Variants in ADAMTS6 observed in about 807,000 individuals in gnomAD.
The protein encoded by ADAMTS6 is A disintegrin and metalloproteinase with thrombospondin motifs 6.
In ADAMTS6, 23 loss-of-function variants were observed where a neutral mutation model predicts 144.3. That is an observed-to-expected ratio of 0.16 (90% CI 0.11 to 0.23). The LOEUF (loss-of-function observed/expected upper bound fraction) is 0.23, where lower values mean the gene tolerates loss of function less well. ADAMTS6 is among the 10% of genes least tolerant of loss of function. The probability of loss-of-function intolerance (pLI) is 1.00; values close to 1 mark genes in which losing one functional copy is unlikely to be tolerated. For synonymous variants in ADAMTS6, 444 were observed against 457.5 expected, an observed-to-expected ratio of 0.97 and a Z score of 0.38; for missense variants, 999 against 1,379.6, an observed-to-expected ratio of 0.72 and a Z score of 4.37.
At chr5:65,381,182 C>G (rs1163501181) in intron 7 of ADAMTS6, among the ~76,000 whole-genome samples, 1 of 152,170 alleles carries the variant, frequency 6.6e-6, no homozygotes, top group Non-Finnish European at 1.5e-5. Flanking sequence ...GTCTCTCTCT[C>G]TTGTTCTCTC....
intron 7 of ADAMTS6, among the ~76,000 whole-genome samples, chr5:65,413,506 A>G (rs1755241564): frequency 6.6e-6 from 1 of 152,150 alleles, no homozygotes; most frequent in East Asian, 1.9e-4. Flanking sequence ...GACTTAAAAT[A>G]TAAGCAATAT....
intron 7 of ADAMTS6, among the ~76,000 whole-genome samples, chr5:65,363,163 A>G (rs1287313593): frequency 3.9e-5 from 6 of 152,180 alleles, no homozygotes; most frequent in Admixed American, 2.0e-4. Context: ...TAATCCATGG[A>G]TAAGATATAA....
At position 65,214,397 on chromosome 5, in the gene ADAMTS6, A is replaced by G. The variant is rs185067393; in HGVS notation, c.2575+397T>C. On this transcript the variant is annotated intron_variant, in intron 20 of 24. Transcript: ENST00000381055. This position sits in a 1 kb window ranked among gnomAD's most constrained non-coding sequence, Gnocchi z 4.6. ...AGGCACACAAACACACACAACAAGCACACAGCCGTACATTCTCATCTCCCA... is the reference window on the plus strand; with the variant it reads ...AGGCACACAAACACACACAACAAGCGCACAGCCGTACATTCTCATCTCCCA... The G allele has an allele frequency of 3.8e-4, 132 of 344,684 alleles. No individual in the cohort carries two copies. The highest frequency in any genetic ancestry group is 2.6e-3 in the African/African-American group (123 of 46,800). The allele number at this position is 344,684 out of a possible 1,614,324, so 21.4% of individuals were successfully genotyped here. A position where few individuals can be genotyped will look rare whatever the true frequency, so the allele number is the denominator to read the frequency against.
chr5:65,192,418 CTT>C (rs1451014075), intron 21 of ADAMTS6, among the ~76,000 whole-genome samples: 1 of 151,974 alleles, frequency 6.6e-6, no homozygotes, highest in Admixed American at 6.6e-5. Flanking sequence ...GAATAGTTCT[CTT>C]GTTTTCACCT....
At chr5:65,440,698 A>G (rs1757799160) in intron 7 of ADAMTS6, among the ~76,000 whole-genome samples, 1 of 152,312 alleles carries the variant, frequency 6.6e-6, no homozygotes, top group Admixed American at 6.5e-5. Context: ...AATGCCTAGC[A>G]CTTACACAAC....
intron 11 of ADAMTS6, among the ~76,000 whole-genome samples, chr5:65,278,943 C>A (rs1347464180): frequency 7.6e-6 from 1 of 132,060 alleles, no homozygotes; most frequent in Non-Finnish European, 1.6e-5. Flanking sequence ...TCTTTACAGT[C>A]TTTTTTTTTT....
chr5:65,422,795 T>A (rs1756179168), intron 7 of ADAMTS6, among the ~76,000 whole-genome samples: 1 of 152,156 alleles, frequency 6.6e-6, no homozygotes, highest in Non-Finnish European at 1.5e-5. Context: ...CACTACTGGG[T>A]ATCTACCCAA....
chr5:65,417,541 A>G (rs1298363629), intron 7 of ADAMTS6, among the ~76,000 whole-genome samples: 1 of 152,222 alleles, frequency 6.6e-6, no homozygotes, highest in Non-Finnish European at 1.5e-5. Context: ...TTCAGGATAC[A>G]AAATCAATAT....
chr5:65,443,493 ACGC>A (rs1758026340), intron 7 of ADAMTS6, among the ~76,000 whole-genome samples: 1 of 151,730 alleles, frequency 6.6e-6, no homozygotes, highest in South Asian at 2.1e-4. Flanking sequence ...ATTGTGGTGC[ACGC>A]CTGTAGTACC....
intron 3 of ADAMTS6, 43 bp from the exon 4 acceptor site, chr5:65,460,381 T>G (rs1286681044): frequency 1.3e-6 from 2 of 1,519,012 alleles, no homozygotes; most frequent in Non-Finnish European, 1.8e-6. Context: ...GAGAATCATT[T>G]TAAATATTAG....
chr5:65,429,025 C>A (rs993549653), intron 7 of ADAMTS6, among the ~76,000 whole-genome samples: 1 of 152,154 alleles, frequency 6.6e-6, no homozygotes, highest in Non-Finnish European at 1.5e-5. Flanking sequence ...GAGAAAACTG[C>A]AGAAACAGGA....
At chr5:65,281,601 T>C (rs1762993965) in intron 11 of ADAMTS6, among the ~76,000 whole-genome samples, 1 of 152,220 alleles carries the variant, frequency 6.6e-6, no homozygotes, top group African/African-American at 2.4e-5. Context: ...TTAAAAATAC[T>C]CCTACTTATT....
At chr5:65,160,208 A>G (rs952793643) in intron 24 of ADAMTS6, among the ~76,000 whole-genome samples, 23 of 151,996 alleles carry the variant, frequency 1.5e-4, no homozygotes, top group African/African-American at 5.1e-4. Context: ...GTAGCCTCGT[A>G]CTATGAGTCA....
chr5:65,193,797 G>A (rs996775871), intron 21 of ADAMTS6, among the ~76,000 whole-genome samples: 1 of 151,926 alleles, frequency 6.6e-6, no homozygotes, highest in Non-Finnish European at 1.5e-5. Context: ...TTATTGCAGG[G>A]GATCAAAATA....
At chr5:65,407,938 A>G (rs1754700372) in intron 7 of ADAMTS6, among the ~76,000 whole-genome samples, 1 of 152,194 alleles carries the variant, frequency 6.6e-6, no homozygotes, top group Admixed American at 6.5e-5. Context: ...TTTACAGACA[A>G]GCAAATGCTG....
At chr5:65,366,872 G>A (rs1750352909) in intron 7 of ADAMTS6, among the ~76,000 whole-genome samples, 1 of 152,124 alleles carries the variant, frequency 6.6e-6, no homozygotes, top group South Asian at 2.1e-4. Context: ...TTCAGGGAAA[G>A]GCCAAAAGAA....
Position 65,284,271 on chromosome 5 carries a change from C to T in ADAMTS6, c.1512+7058G>A, listed in dbSNP as rs549135631. Reference sequence around the variant, plus strand: ...GGGAAAGGATACCTTGATCAGAGAACTCAACTATCTTGTCTCTAGCAGTTA... The same window carrying T: ...GGGAAAGGATACCTTGATCAGAGAATTCAACTATCTTGTCTCTAGCAGTTA... On this transcript the variant is annotated intron_variant, in intron 11 of 24. Transcript: ENST00000381055. 4.6e-5 allele frequency among the ~76,000 whole-genome samples: 7 copies of T among 152,182 alleles called. No individual in the cohort carries two copies. The South Asian group carries it at 1.5e-3, about 32-fold the overall frequency.
At chr5:65,157,311 G>C (rs1442433636) in intron 24 of ADAMTS6, among the ~76,000 whole-genome samples, 1 of 152,196 alleles carries the variant, frequency 6.6e-6, no homozygotes, top group Non-Finnish European at 1.5e-5. Context: ...TAAAAGACTT[G>C]CTTTCAAAAT....
chr5:65,381,210 A>G (rs1752008065), intron 7 of ADAMTS6, among the ~76,000 whole-genome samples: 1 of 152,218 alleles, frequency 6.6e-6, no homozygotes, highest in Admixed American at 6.5e-5. Flanking sequence ...CCAAAAGGTC[A>G]GCAAAATGAA....
Sources: gnomAD v4.1 joint callset for allele counts (sites outside exome capture counted in the v4.1 genomes callset) on GRCh38, gnomAD v4.1.1 for gene constraint, Gnocchi (gnomAD v3.1) non-coding constraint, MANE v1.5 for transcripts, NCBI Gene and HGNC (gene_info 2026-07-23, HGNC 2026-07-21) for gene names.